LBR: variants seen among roughly 807,000 people sequenced by gnomAD.
LBR encodes delta(14)-sterol reductase LBR.
In LBR, 28 loss-of-function variants were observed where a neutral mutation model predicts 74.3. The observed-to-expected ratio is 0.38, with a 90% CI of 0.28 to 0.52. The LOEUF is 0.52. Among genes scored for constraint, LBR ranks in the 20% least tolerant of loss-of-function variants. The probability of loss-of-function intolerance (pLI) is 0.89; values close to 1 mark genes in which losing one functional copy is unlikely to be tolerated. For synonymous variants in LBR, 228 were observed against 269.3 expected, an observed-to-expected ratio of 0.85 and a Z score of 1.50; for missense variants, 717 against 760.3, an observed-to-expected ratio of 0.94 and a Z score of 0.67.
chr1:225,410,771 C>T (rs1423648588), intron 9 of LBR, among the ~76,000 whole-genome samples: 1 of 152,178 alleles, frequency 6.6e-6, no homozygotes, highest in East Asian at 1.9e-4. Context: ...CTAGAGAAGA[C>T]TAAGAAGGAA....
chr1:225,426,949 C>A (rs760864313), intron 1 of LBR, among the ~76,000 whole-genome samples: 1 of 152,198 alleles, frequency 6.6e-6, no homozygotes, highest in East Asian at 1.9e-4. Flanking sequence ...AATTAGGATC[C>A]CTCTGCTCTT....
chr1:225,412,129 T>C (rs1323447124), intron 8 of LBR, among the ~76,000 whole-genome samples: 1 of 152,234 alleles, frequency 6.6e-6, no homozygotes, highest in Admixed American at 6.5e-5. Flanking sequence ...TGTTGTTTTT[T>C]GTTTTTTAAA....
rs2096133891 is a variant in LBR, at chr1:225,423,988, G to A, written c.88C>T (p.His30Tyr). 1 of 1,613,794 alleles carries A rather than the reference G, an allele frequency of 6.2e-7. No homozygotes were observed. The highest frequency in any genetic ancestry group is 2.2e-5 in the East Asian group (1 of 44,882). ...GTGTAAAGCTGGGAGGTGCTGTCGT[G>A]GCTCAGAATTTCTACTTCATAATAA... ...SLYYEVEILS[H>Y]DSTSQLYTVK... is the part of the protein sequence containing the mutation. Residue 30 changes from histidine (H) to tyrosine (Y), a missense_variant, in exon 2 of 14, where the codon CAC (histidine) becomes TAC (tyrosine). By Grantham distance (83) the His-to-Tyr change is moderately conservative. Coordinates refer to ENST00000272163, the MANE Select transcript of LBR (RefSeq NM_002296.4).
At chr1:225,405,226 T>TATA (rs2096088961) in intron 11 of LBR, among the ~76,000 whole-genome samples, 1 of 152,210 alleles carries the variant, frequency 6.6e-6, no homozygotes, top group Admixed American at 6.5e-5. Flanking sequence ...AATCCCACTT[T>TATA]AAGTCTATAA....
Position 225,402,053 on chromosome 1 carries a change from C to T in LBR, c.*1250G>A, listed in dbSNP as rs551149735. 1 of 152,294 alleles carries T rather than the reference C, an allele frequency of 6.6e-6. No homozygotes were observed. The highest frequency in any genetic ancestry group is 2.1e-4 in the South Asian group (1 of 4,830). 9.4% of individuals were successfully genotyped at this position (152,294 alleles called of 1,614,324 possible). A position where few individuals can be genotyped will look rare whatever the true frequency, so the allele number is the denominator to read the frequency against. On this transcript the variant is annotated 3_prime_UTR_variant, in exon 14 of 14. Coordinates refer to ENST00000272163, the MANE Select transcript of LBR (RefSeq NM_002296.4). ...TAGTGAATTTGCTACTGTTCCATTACAGGACAATTAAAAATGAGACTATAT... is the reference window on the plus strand; with the variant it reads ...TAGTGAATTTGCTACTGTTCCATTATAGGACAATTAAAAATGAGACTATAT...
At chr1:225,427,006 A>C (rs1401246459) in intron 1 of LBR, among the ~76,000 whole-genome samples, 1 of 127,430 alleles carries the variant, frequency 7.8e-6, no homozygotes, top group Non-Finnish European at 1.8e-5. Flanking sequence ...ACAATGCGTA[A>C]CTACAGATCT....
chr1:225,424,371 A>C (rs1480022687), intron 1 of LBR, among the ~76,000 whole-genome samples: 1 of 152,240 alleles, frequency 6.6e-6, no homozygotes, highest in Non-Finnish European at 1.5e-5. Context: ...AGTTCTCGCT[A>C]ATCAAAAAAT....
rs367895739 is a variant in LBR at position 225,412,436 on chromosome 1, C to A, written c.1084+18G>T. The A allele has an allele frequency of 1.9e-6, 3 of 1,612,978 alleles. No homozygotes were observed. Among genetic ancestry groups the A allele is most frequent in the Non-Finnish European group, 2.5e-6 (3 of 1,179,344 alleles). ...CTCTGGGACGCATTCATCCAACATG[C>A]AATTCATCACTGCTCACCAGAGCTG... On this transcript the variant is annotated intron_variant, in intron 8 of 13. Transcript: ENST00000272163.
chr1:225,425,550 G>A (rs559150688), intron 1 of LBR, among the ~76,000 whole-genome samples: 2 of 152,278 alleles, frequency 1.3e-5, no homozygotes, highest in South Asian at 4.1e-4. Context: ...GGGCACTTAG[G>A]GAGCAGGGGG....
intron 8 of LBR, 109 bp downstream of exon 8, chr1:225,412,345 T>G (rs1170456010): frequency 1.0e-6 from 1 of 964,202 alleles, no homozygotes; most frequent in African/African-American, 1.6e-5. Flanking sequence ...TTACTTCTCT[T>G]CATTTCCCAA....
Position 225,401,956 on chromosome 1 carries a change from A to T in LBR, c.*1347T>A, listed in dbSNP as rs2096082690. 6.6e-6 allele frequency: 1 copy of T among 152,226 alleles called. No individual in the cohort carries two copies. The highest frequency in any genetic ancestry group is 6.5e-5 in the Admixed American group (1 of 15,284). 9.4% of individuals were successfully genotyped at this position (152,226 alleles called of 1,614,324 possible). ...TAAAATGTGTAATTAAAACCCAAAC[A>T]TACACACTATGTTTATTACATTCCC... On this transcript the variant is annotated 3_prime_UTR_variant, in exon 14 of 14. Transcript: ENST00000272163.
At chr1:225,412,321 CTTTTCATT>C (rs1306296456) in intron 8 of LBR, 125 bp downstream of exon 8, 1 of 793,002 alleles carries the variant, frequency 1.3e-6, no homozygotes, top group African/African-American at 1.7e-5. Context: ...TTTTCTTCAT[CTTTTCATT>C]TTTTCTTACT....
chr1:225,410,768 A>C (rs1196012966), intron 9 of LBR, among the ~76,000 whole-genome samples: 1 of 152,260 alleles, frequency 6.6e-6, no homozygotes, highest in Non-Finnish European at 1.5e-5. Flanking sequence ...AGACTAGAGA[A>C]GACTAAGAAG....
At chr1:225,416,221 G>A (rs1251648684) in intron 6 of LBR, among the ~76,000 whole-genome samples, 1 of 151,344 alleles carries the variant, frequency 6.6e-6, no homozygotes, top group Non-Finnish European at 1.5e-5. Flanking sequence ...AAAAGAGAGA[G>A]AGAGAGAGAG....
At chr1:225,410,956 G>A (rs1258391873) in intron 9 of LBR, among the ~76,000 whole-genome samples, 1 of 152,172 alleles carries the variant, frequency 6.6e-6, no homozygotes, top group Non-Finnish European at 1.5e-5. Context: ...TTAATGTTGT[G>A]AGAAACAGAA....
At position 225,424,112 on chromosome 1, in the gene LBR, A is replaced by AT. The variant is rs764027931; in HGVS notation, c.-14-24dup. On this transcript the variant is annotated intron_variant, in intron 1 of 13. Coordinates refer to ENST00000272163, the MANE Select transcript of LBR (RefSeq NM_002296.4). ...AACCTGAATAGTTTTAAAGAAAAAA[A>AT]TTTGAGTCAATACATACACATTTAT... 1.2e-5 allele frequency: 19 copies of AT among 1,542,032 alleles called. 1 individual carries two copies. The South Asian group carries it at 2.1e-4, about 17-fold the overall frequency.
At position 225,403,149 on chromosome 1, in the gene LBR, G is replaced by A. The variant is rs918873432; in HGVS notation, c.*154C>T. 1 of 656,966 alleles carries A rather than the reference G, an allele frequency of 1.5e-6. No homozygotes were observed. Among genetic ancestry groups the A allele is most frequent in the African/African-American group, 1.8e-5 (1 of 54,682 alleles). The allele number at this position is 656,966 out of a possible 1,614,324, so 40.7% of individuals were successfully genotyped here. ...ACAAGTAAACACGGCTATATTAAAA[G>A]ATCAACTACTCGGCTCCATAGTCCT... On this transcript the variant is annotated 3_prime_UTR_variant, in exon 14 of 14. Transcript: ENST00000272163.
At position 225,419,303 on chromosome 1, in the gene LBR, G is replaced by A. The variant is rs2096123156; in HGVS notation, c.600C>T (p.Thr200=). The A allele has an allele frequency of 1.2e-6, 2 of 1,614,098 alleles. No individual in the cohort carries two copies. Among genetic ancestry groups the A allele is most frequent in the African/African-American group, 2.7e-5 (2 of 75,002 alleles). Residue 200 remains threonine (T), a synonymous_variant, in exon 5 of 14, where the codon ACC becomes ACT. Transcript: ENST00000272163. The part of the protein sequence containing the change: ...KELAVRTFEV[T]PIRAKDLEFG... ...ACTCCAAGTCCTTTGCCCGGATGGG[G>A]GTCACTTCAAAGGTTCTCACTGCCA...
intron 11 of LBR, 121 bp from the exon 12 acceptor site, chr1:225,404,827 T>C (rs1354382350): frequency 2.6e-6 from 2 of 768,148 alleles, no homozygotes; most frequent in Non-Finnish European, 4.3e-6. Flanking sequence ...AGCAGACTCC[T>C]AGGCTCAAGA....
Sources: allele counts gnomAD v4.1 joint callset (sites outside exome capture counted in the v4.1 genomes callset), GRCh38; gene constraint gnomAD v4.1.1; transcripts MANE v1.5; gene names NCBI Gene and HGNC (gene_info 2026-07-23, HGNC 2026-07-21).